The following ARB2A variants were observed in gnomAD, a reference collection of about 807,000 sequenced individuals.
ARB2A encodes cotranscriptional regulator ARB2A.
the ARB2A span, among the ~76,000 whole-genome samples, chr5:93,796,263 A>G: frequency 6.6e-6 from 1 of 152,176 alleles, no homozygotes; most frequent in Non-Finnish European, 1.5e-5. Context: ...TATGCCCTCA[A>G]ATGTTTCTAA....
chr5:93,996,953 T>C, the ARB2A span, among the ~76,000 whole-genome samples: 2 of 152,086 alleles, frequency 1.3e-5, no homozygotes, highest in African/African-American at 4.8e-5. Context: ...TATTGAGAAG[T>C]ACGTATGTGC....
the ARB2A span, among the ~76,000 whole-genome samples, chr5:94,050,388 G>A: frequency 6.6e-6 from 1 of 151,366 alleles, no homozygotes; most frequent in South Asian, 2.1e-4. Flanking sequence ...CCAAGTAGCT[G>A]GGACTACACG....
At chr5:93,790,120 T>A in the ARB2A span, among the ~76,000 whole-genome samples, 5 of 152,356 alleles carry the variant, frequency 3.3e-5, no homozygotes, top group South Asian at 8.3e-4. Context: ...CTAGTAATGA[T>A]ACTTTGAGTA....
chr5:93,829,597 G>A, the ARB2A span, among the ~76,000 whole-genome samples: 7 of 152,136 alleles, frequency 4.6e-5, no homozygotes, highest in Non-Finnish European at 7.3e-5. Context: ...AAATCTTAGT[G>A]TAATAAATGA....
the ARB2A span, among the ~76,000 whole-genome samples, chr5:94,009,886 C>T: frequency 5.4e-5 from 8 of 148,886 alleles, no homozygotes; most frequent in Non-Finnish European, 1.0e-4. Context: ...TACCCTCTCT[C>T]GTATCTAAAA....
the ARB2A span, chr5:93,805,794 T>C: frequency 1.0e-6 from 1 of 985,164 alleles, no homozygotes; most frequent in Non-Finnish European, 1.2e-6. Context: ...TTCAGTCCTA[T>C]AAACGGTTTT....
chr5:93,999,373 T>C, the ARB2A span, among the ~76,000 whole-genome samples: 3 of 152,060 alleles, frequency 2.0e-5, no homozygotes, highest in African/African-American at 7.2e-5. Context: ...TTCAGTAATC[T>C]AATAAGCAAT....
the ARB2A span, among the ~76,000 whole-genome samples, chr5:93,949,156 T>C: frequency 6.6e-6 from 1 of 152,140 alleles, no homozygotes; most frequent in African/African-American, 2.4e-5. Context: ...CCTTTTCTTT[T>C]TCTTTTAATT....
chr5:93,794,715 G>C, the ARB2A span, among the ~76,000 whole-genome samples: 1 of 152,148 alleles, frequency 6.6e-6, no homozygotes, highest in African/African-American at 2.4e-5. Flanking sequence ...CAGAGCTACT[G>C]GGCTCTGGTT....
At chr5:93,810,759 C>CT in the ARB2A span, among the ~76,000 whole-genome samples, 3 of 151,662 alleles carry the variant, frequency 2.0e-5, no homozygotes, top group Non-Finnish European at 2.9e-5. Context: ...ATCTAGTGCT[C>CT]TTTTTTTTGA....
chr5:93,740,645 G>GT, the ARB2A span: 6 of 1,613,748 alleles, frequency 3.7e-6, no homozygotes, highest in Middle Eastern at 1.6e-4. Context: ...GAGTAGAGAC[G>GT]TGTATAGTGG....
At chr5:93,860,478 G>T in the ARB2A span, among the ~76,000 whole-genome samples, 1 of 151,412 alleles carries the variant, frequency 6.6e-6, no homozygotes, top group Non-Finnish European at 1.5e-5. Context: ...AAAAGTAAAG[G>T]CAAGCAAAAC....
chr5:93,725,797 A>G, the ARB2A span, among the ~76,000 whole-genome samples: 1 of 152,086 alleles, frequency 6.6e-6, no homozygotes, highest in South Asian at 2.1e-4. Context: ...AGAAGATAAA[A>G]TAGGATTAAT....
chr5:93,924,572 C>T, the ARB2A span, among the ~76,000 whole-genome samples: 3 of 151,952 alleles, frequency 2.0e-5, no homozygotes. Context: ...GTCTCATTTG[C>T]CAATATATAT....
At chr5:93,624,122 T>C in the ARB2A span, among the ~76,000 whole-genome samples, 1 of 152,170 alleles carries the variant, frequency 6.6e-6, no homozygotes, top group Non-Finnish European at 1.5e-5. Context: ...AGTGGGATGC[T>C]TTTTATTACA....
the ARB2A span, among the ~76,000 whole-genome samples, chr5:94,106,170 G>T: frequency 1.3e-5 from 2 of 151,928 alleles, no homozygotes; most frequent in Admixed American, 6.6e-5. Flanking sequence ...CACAGCAAAA[G>T]AAACTATCAA....
chr5:93,917,584 T>TA, the ARB2A span, among the ~76,000 whole-genome samples: 2 of 151,998 alleles, frequency 1.3e-5, no homozygotes, highest in Admixed American at 1.3e-4. Flanking sequence ...TCCTGCAACA[T>TA]AAAAAACAGT....
At chr5:93,769,325 G>A in the ARB2A span, among the ~76,000 whole-genome samples, 32 of 152,274 alleles carry the variant, frequency 2.1e-4, 1 homozygote, top group Middle Eastern at 0.014. Flanking sequence ...TTACTAATTT[G>A]TGGTCAGTAC....
At chr5:93,860,143 A>C in the ARB2A span, among the ~76,000 whole-genome samples, 1 of 152,056 alleles carries the variant, frequency 6.6e-6, no homozygotes, top group East Asian at 1.9e-4. Context: ...AAATACAAAA[A>C]TTAGCCGGGT....
Sources: gnomAD v4.1 joint callset for allele counts (sites outside exome capture counted in the v4.1 genomes callset) on GRCh38, gnomAD v4.1.1 for gene constraint, MANE v1.5 for transcripts, NCBI Gene and HGNC (gene_info 2026-07-23, HGNC 2026-07-21) for gene names.